The following SYT1 variants were observed in gnomAD, a reference collection of about 807,000 sequenced individuals.
SYT1 encodes synaptotagmin-1.
In SYT1, 8 loss-of-function variants were observed where a neutral mutation model predicts 44.8. That is an observed-to-expected ratio of 0.18 (90% CI 0.10 to 0.32). SYT1 has a LOEUF of 0.32. Ranked by LOEUF, SYT1 falls within the 10% of genes least tolerant of loss-of-function variation. The pLI is 1.00. For synonymous variants in SYT1, 154 were observed against 188.8 expected (o/e 0.82, Z 1.51); for missense variants, 286 against 509.3 (o/e 0.56, Z 4.22).
intron 1 of SYT1, among the ~76,000 whole-genome samples, chr12:78,941,675 T>C (rs1435473532): frequency 1.3e-5 from 2 of 152,332 alleles, no homozygotes; most frequent in South Asian, 4.1e-4. Context: ...TCCCATTGAT[T>C]GTTATTTCTA....
intron 3 of SYT1, among the ~76,000 whole-genome samples, chr12:79,126,642 CAAAT>C (rs1592771953): frequency 6.6e-6 from 1 of 152,260 alleles, no homozygotes; most frequent in Middle Eastern, 3.4e-3. Context: ...TATGCAGTGT[CAAAT>C]AACCCCATTT....
At chr12:79,402,383 T>C (rs1330567013) in intron 9 of SYT1, among the ~76,000 whole-genome samples, 1 of 152,164 alleles carries the variant, frequency 6.6e-6, no homozygotes, top group Non-Finnish European at 1.5e-5. Context: ...AAATCTGGGT[T>C]TCAAGTTTGA....
intron 8 of SYT1, among the ~76,000 whole-genome samples, chr12:79,351,906 A>T (rs1470649612): frequency 6.6e-6 from 1 of 152,168 alleles, no homozygotes; most frequent in Non-Finnish European, 1.5e-5. Flanking sequence ...TTAATGATGG[A>T]TCCTGTCTTC....
intron 2 of SYT1, among the ~76,000 whole-genome samples, chr12:79,044,229 C>G (rs1873822097): frequency 6.6e-6 from 1 of 152,148 alleles, no homozygotes; most frequent in Admixed American, 6.6e-5. Context: ...TGTTTTCCAA[C>G]TTGGTTCCAT....
intron 3 of SYT1, among the ~76,000 whole-genome samples, chr12:79,104,131 T>C (rs1206323590): frequency 2.0e-5 from 3 of 151,930 alleles, no homozygotes; most frequent in Non-Finnish European, 2.9e-5. Context: ...AAAAAAATTA[T>C]GTTGACATCA....
intron 8 of SYT1, among the ~76,000 whole-genome samples, chr12:79,346,198 C>T (rs543840825): frequency 6.0e-4 from 92 of 152,220 alleles, no homozygotes; most frequent in African/African-American, 2.2e-3. Flanking sequence ...TTAAATCAAG[C>T]TTTTTATTTA....
At chr12:79,331,999 T>C (rs146384613) in intron 8 of SYT1, among the ~76,000 whole-genome samples, 2,211 of 152,172 alleles carry the variant, frequency 0.015, 21 homozygotes, top group Non-Finnish European at 0.022. Context: ...AGGAGGAAAA[T>C]TGTCGTAGTT....
intron 9 of SYT1, among the ~76,000 whole-genome samples, chr12:79,380,024 AC>A (rs1884151696): frequency 6.6e-6 from 1 of 151,940 alleles, no homozygotes; most frequent in Non-Finnish European, 1.5e-5. Flanking sequence ...TGGCTCTAAA[AC>A]CCCCTTTCCA....
intron 2 of SYT1, among the ~76,000 whole-genome samples, chr12:78,983,116 T>C (rs186438362): frequency 6.6e-6 from 1 of 152,124 alleles, no homozygotes; most frequent in African/African-American, 2.4e-5. Flanking sequence ...GTAATCCTAC[T>C]CTTCATTTTA....
chr12:79,376,231 G>A (rs576410160), intron 9 of SYT1, among the ~76,000 whole-genome samples: 11 of 152,328 alleles, frequency 7.2e-5, no homozygotes, highest in East Asian at 5.8e-4. Flanking sequence ...CACAGTGAAA[G>A]CAAGTTTATT....
intron 3 of SYT1, among the ~76,000 whole-genome samples, chr12:79,156,468 G>C (rs570248294): frequency 6.6e-6 from 1 of 151,526 alleles, no homozygotes; most frequent in East Asian, 1.9e-4. Context: ...TGTTGTTGTT[G>C]TTCTTGTTGT....
At chr12:79,410,506 C>CAAAA (rs5799432) in intron 9 of SYT1, among the ~76,000 whole-genome samples, 523 of 75,552 alleles carry the variant, frequency 6.9e-3, no homozygotes, top group Non-Finnish European at 9.1e-3. Context: ...TGTTCAAAGT[C>CAAAA]AAAAAAAAAA....
At chr12:78,987,685 T>TA (rs922033667) in intron 2 of SYT1, among the ~76,000 whole-genome samples, 14 of 151,876 alleles carry the variant, frequency 9.2e-5, no homozygotes, top group African/African-American at 2.9e-4. Context: ...TAGGGATATA[T>TA]AAAAAAACCC....
At chr12:79,067,335 C>G (rs868329265) in intron 3 of SYT1, among the ~76,000 whole-genome samples, 1 of 151,968 alleles carries the variant, frequency 6.6e-6, no homozygotes, top group Middle Eastern at 3.4e-3. Context: ...AAGTTCTGCT[C>G]TCTATATTGA....
chr12:79,233,308 A>T (rs1033388414), intron 4 of SYT1, among the ~76,000 whole-genome samples: 2 of 152,222 alleles, frequency 1.3e-5, no homozygotes, highest in African/African-American at 4.8e-5. Flanking sequence ...TTACATGATG[A>T]TTGTTATCTA....
At chr12:79,399,037 T>C (rs1884975872) in intron 9 of SYT1, among the ~76,000 whole-genome samples, 1 of 152,188 alleles carries the variant, frequency 6.6e-6, no homozygotes, top group South Asian at 2.1e-4. Flanking sequence ...TCTGTCTGCT[T>C]AGTCAGTCAA....
chr12:79,429,489 C>T (rs550975162), intron 9 of SYT1, among the ~76,000 whole-genome samples: 1 of 151,944 alleles, frequency 6.6e-6, no homozygotes, highest in Admixed American at 6.6e-5. Flanking sequence ...GATTACAGAC[C>T]ACTATGCCCA....
intron 3 of SYT1, among the ~76,000 whole-genome samples, chr12:79,098,277 G>A (rs563115634): frequency 8.9e-4 from 135 of 152,002 alleles, no homozygotes; most frequent in Non-Finnish European, 1.5e-3. Context: ...CAAATGAGCT[G>A]GGGAGAAAGT....
At chr12:79,314,032 G>T (rs1383114306) in intron 8 of SYT1, among the ~76,000 whole-genome samples, 2 of 150,922 alleles carry the variant, frequency 1.3e-5, no homozygotes, top group Admixed American at 6.6e-5. Context: ...AGCCGGGCGT[G>T]GTAGCGGGCG....
Sources: gnomAD v4.1 joint callset for allele counts (sites outside exome capture counted in the v4.1 genomes callset) on GRCh38, gnomAD v4.1.1 for gene constraint, MANE v1.5 for transcripts, NCBI Gene and HGNC (gene_info 2026-07-23, HGNC 2026-07-21) for gene names.